Variants in PLIN4 observed in about 807,000 individuals in gnomAD.
PLIN4 encodes the protein perilipin 4, also known as perilipin-4.
PLIN4 carries 57 observed loss-of-function variants against 52.4 expected under a neutral mutation model. That is an observed-to-expected ratio of 1.09 (90% CI 0.88 to 1.36). The LOEUF is 1.36. Among genes scored for constraint, PLIN4 ranks in the 40% most tolerant of loss-of-function variants. The probability of loss-of-function intolerance (pLI) is 0.00; values close to 1 mark genes in which losing one functional copy is unlikely to be tolerated. For missense variants in PLIN4, 1,757 were observed against 1,770.3 expected, an observed-to-expected ratio of 0.99 and a Z score of 0.13; for synonymous variants, 826 against 785.4, an observed-to-expected ratio of 1.05 and a Z score of -0.86.
intron 6 of PLIN4, among the ~76,000 whole-genome samples, chr19:4,508,277 GAC>G (rs2145255524): frequency 6.6e-6 from 1 of 152,170 alleles, no homozygotes; most frequent in Non-Finnish European, 1.5e-5. Flanking sequence ...ATTTTTTTGA[GAC>G]AGAGTCTTGC....
At position 4,503,218 on chromosome 19, in the gene PLIN4, T is replaced by G. The variant is rs1975979085; in HGVS notation, c.*1241A>C. 6.6e-6 allele frequency: 1 copy of G among 152,264 alleles called. No individual in the cohort carries two copies. Among genetic ancestry groups the G allele is most frequent in the Non-Finnish European group, 1.5e-5 (1 of 68,130 alleles). The allele number at this position is 152,264 out of a possible 1,614,324, so 9.4% of individuals were successfully genotyped here. A position where few individuals can be genotyped will look rare whatever the true frequency, so the allele number is the denominator to read the frequency against. On this transcript the variant is annotated 3_prime_UTR_variant, in exon 8 of 8. Coordinates refer to ENST00000301286, the MANE Select transcript of PLIN4 (RefSeq NM_001367868.2). The stretch of plus-strand genomic sequence containing the variant: ...TGGGTCTGGGGTTCCTGGGCTCGTG[T>G]CCTAGGAGAGCATGGAAAGGGGACG...
At chr19:4,508,658 G>A in intron 6 of PLIN4, 110 bp downstream of exon 6, 1 of 1,215,642 alleles carries the variant, frequency 8.2e-7, no homozygotes. Context: ...TGGTGACGCT[G>A]ACAGCATCAT....
chr19:4,505,077 G>T, intron 6 of PLIN4, 130 bp from the exon 7 acceptor site: 1 of 819,742 alleles, frequency 1.2e-6, no homozygotes. Context: ...TTCCAAGTCA[G>T]TTGTACCACA....
rs754953771 is a variant in PLIN4 at position 4,510,610 on chromosome 19, G to A, written c.3350C>T (p.Ala1117Val). ...TTGGGTGAACGTCGCCACGTCAGTCGCAAGGCCCTTGGTAGTGGCTGCGGC... is the reference window on the plus strand; with the variant it reads ...TTGGGTGAACGTCGCCACGTCAGTCACAAGGCCCTTGGTAGTGGCTGCGGC... ...WEAAATTKGL[A>V]TDVATFTQGA... The change falls in exon 5 of 8, where the codon GCG becomes GTG. Residue 1117 changes from alanine to valine, a missense_variant. Ala to Val is a moderately conservative substitution (Grantham distance 64). Coordinates refer to ENST00000301286, the MANE Select transcript of PLIN4 (RefSeq NM_001367868.2). 17 of 1,502,672 alleles carry A rather than the reference G, an allele frequency of 1.1e-5. No individual in the cohort carries two copies. Among genetic ancestry groups the A allele is most frequent in the South Asian group, 2.7e-5 (2 of 72,760 alleles). 93.1% of individuals were successfully genotyped at this position (1,502,672 alleles called of 1,614,324 possible). A position where few individuals can be genotyped will look rare whatever the true frequency, so the allele number is the denominator to read the frequency against.
chr19:4,504,664 C>T lies in PLIN4; in HGVS notation c.3911G>A (p.Arg1304Gln), dbSNP rs745335996. 5.4e-5 allele frequency: 86 copies of T among 1,603,078 alleles called. No homozygotes were observed. The highest frequency in any genetic ancestry group is 1.1e-4 in the African/African-American group (8 of 74,986). The change falls in exon 8 of 8, where the codon CGG (arginine) becomes CAG (glutamine). Residue 1304 changes from arginine (R) to glutamine (Q), a missense_variant. Physicochemically the swap from Arg to Gln is conservative, Grantham distance 43. This residue lies in a region of PLIN4 where 712 missense variants were observed against 637.1 expected (regional missense o/e 1.12). Transcript: ENST00000301286. Reference sequence around the variant, plus strand: ...GAGCTCACAGAGGCTGTGCCGCGCCCGCCCCACTGGCTGCTGGAGCTCGGC... The same window carrying T: ...GAGCTCACAGAGGCTGTGCCGCGCCTGCCCCACTGGCTGCTGGAGCTCGGC... ...LPAELQQPVG[R>Q]ARHSLCELYG...
At position 4,510,579 on chromosome 19, in the gene PLIN4, G is replaced by A. The variant is rs747632824; in HGVS notation, c.3381C>T (p.Ala1127=). Residue 1127 remains alanine, a synonymous_variant, in exon 5 of 8, where the codon GCC becomes GCT. Transcript: ENST00000301286. ...GCCCCGTGTCCTCCCTGCCTGGGGC[G>A]GCCCCTTGGGTGAACGTCGCCACGT... The part of the protein sequence containing the change: ...ATDVATFTQG[A]APGREDTGLL... The A allele has an allele frequency of 1.3e-5, 20 of 1,500,456 alleles. No homozygotes were observed. The highest frequency in any genetic ancestry group is 1.6e-5 in the Non-Finnish European group (18 of 1,125,110). 92.9% of individuals were successfully genotyped at this position (1,500,456 alleles called of 1,614,324 possible).
intron 6 of PLIN4, among the ~76,000 whole-genome samples, chr19:4,506,095 C>G (rs546329685): frequency 2.6e-5 from 4 of 152,290 alleles, no homozygotes; most frequent in Non-Finnish European, 5.9e-5. Context: ...CGCCCCCACC[C>G]GGTGGCCTGA....
In PLIN4 at chr19:4,518,429, C is replaced by T; in HGVS notation, c.-62G>A. On this transcript the variant is annotated 5_prime_UTR_variant, in exon 1 of 8. Coordinates refer to ENST00000301286, the MANE Select transcript of PLIN4 (RefSeq NM_001367868.2). Reference sequence around the variant, plus strand: ...CTGGTGTCACCGAAGCAGACGCGGCCCCGCTCACCTGGACTGCGCGGGGTC... The same window carrying T: ...CTGGTGTCACCGAAGCAGACGCGGCTCCGCTCACCTGGACTGCGCGGGGTC... The T allele has an allele frequency of 8.1e-7, 1 of 1,227,750 alleles. No homozygotes were observed. The highest frequency in any genetic ancestry group is 1.0e-6 in the Non-Finnish European group (1 of 985,928). The allele number at this position is 1,227,750 out of a possible 1,614,324, so 76.1% of individuals were successfully genotyped here.
Position 4,518,396 on chromosome 19 carries a change from G to T in PLIN4, c.-29C>A. On this transcript the variant is annotated 5_prime_UTR_variant, in exon 1 of 8. Transcript: ENST00000301286. ...AGCCCGACACCCACCTGCAGGCCTG[G>T]CCTCACCCTGGTGTCACCGAAGCAG... The T allele has an allele frequency of 8.1e-7, 1 of 1,230,556 alleles. No homozygotes were observed. The highest frequency in any genetic ancestry group is 1.0e-6 in the Non-Finnish European group (1 of 987,418). 76.2% of individuals were successfully genotyped at this position (1,230,556 alleles called of 1,614,324 possible). A position where few individuals can be genotyped will look rare whatever the true frequency, so the allele number is the denominator to read the frequency against.
intron 5 of PLIN4, 64 bp from the exon 6 acceptor site, chr19:4,509,019 T>C (rs1976192127): frequency 1.3e-6 from 2 of 1,493,062 alleles, no homozygotes; most frequent in South Asian, 2.6e-5. Context: ...TTTATAAAAG[T>C]CAAGTGAGGG....
chr19:4,517,581 C>T lies in PLIN4; in HGVS notation c.169G>A (p.Ala57Thr), dbSNP rs1302325347. 1.2e-6 allele frequency: 2 copies of T among 1,610,304 alleles called. No homozygotes were observed. The highest frequency in any genetic ancestry group is 1.7e-6 in the Non-Finnish European group (2 of 1,178,978). ...TGAGCCTGTGGTTGGGCAGCCTCGG[C>T]AGCAGGCGCTCCTGTGGGGTCAGCG... The part of the protein sequence containing the change: ...PAADPTGAPA[A>T]EAAQPQAQVA... Residue 57 changes from alanine (A) to threonine (T), a missense_variant, in exon 3 of 8, where the codon GCC (alanine) becomes ACC (threonine). This residue lies in a region of PLIN4 where 332 missense variants were observed against 310.8 expected (regional missense o/e 1.07). Coordinates refer to ENST00000301286, the MANE Select transcript of PLIN4 (RefSeq NM_001367868.2).
Position 4,512,290 on chromosome 19 carries a change from G to C in PLIN4, c.1670C>G (p.Thr557Ser). Residue 557 changes from threonine (T) to serine (S), a missense_variant, in exon 5 of 8, where the codon ACC (threonine) becomes AGC (serine). Coordinates refer to ENST00000301286, the MANE Select transcript of PLIN4 (RefSeq NM_001367868.2). ...KGAVQGGLDT[T>S]KSVVIGTKDT... ...TTTTGTACCTATGACCACAGACTTG[G>C]TGGTGTCCAGGCCCCCCTGGACGGC... 6.2e-7 allele frequency: 1 copy of C among 1,611,660 alleles called. No homozygotes were observed. The highest frequency in any genetic ancestry group is 1.7e-5 in the Admixed American group (1 of 59,814).
At chr19:4,517,437 G>T in intron 3 of PLIN4, 117 bp downstream of exon 3, 6 of 1,277,946 alleles carry the variant, frequency 4.7e-6, no homozygotes, top group Non-Finnish European at 5.3e-6. Flanking sequence ...TCTGATGAGA[G>T]CACACAGACA....
intron 6 of PLIN4, 96 bp from the exon 7 acceptor site, chr19:4,505,043 C>T: frequency 1.7e-6 from 2 of 1,194,788 alleles, no homozygotes; most frequent in Non-Finnish European, 2.4e-6. Flanking sequence ...GGCACATTCA[C>T]AGTCCTGGGA....
chr19:4,504,003 C>T lies in PLIN4; in HGVS notation c.*456G>A, dbSNP rs1276862644. 6.3e-6 allele frequency: 1 copy of T among 158,182 alleles called. No homozygotes were observed. The highest frequency in any genetic ancestry group is 1.4e-5 in the Non-Finnish European group (1 of 72,358). The allele number at this position is 158,182 out of a possible 1,614,324, so 9.8% of individuals were successfully genotyped here. On this transcript the variant is annotated 3_prime_UTR_variant, in exon 8 of 8. Coordinates refer to ENST00000301286, the MANE Select transcript of PLIN4 (RefSeq NM_001367868.2). ...AGCATGAGAACGGAGCTGCCCGGAG[C>T]CTGGGATGCCACAGCACTGCCTGCA... is the stretch of plus-strand genomic sequence containing the variant.
chr19:4,518,463 G>T lies in PLIN4; in HGVS notation c.-96C>A, dbSNP rs899403540. The T allele has an allele frequency of 3.2e-5, 39 of 1,221,258 alleles. No homozygotes were observed. The Admixed American group carries it at 3.4e-4, about 11-fold the overall frequency. The allele number at this position is 1,221,258 out of a possible 1,614,324, so 75.7% of individuals were successfully genotyped here. A position where few individuals can be genotyped will look rare whatever the true frequency, so the allele number is the denominator to read the frequency against. On this transcript the variant is annotated 5_prime_UTR_variant, in exon 1 of 8. Transcript: ENST00000301286. ...CTGGACTGCGCGGGGTCCCCTGGAG[G>T]ACGGACCGGCCCGGCTGGCAGCTGG... is the stretch of plus-strand genomic sequence containing the variant.
At position 4,512,327 on chromosome 19, in the gene PLIN4, C is replaced by T. The variant is rs755459936; in HGVS notation, c.1633G>A (p.Val545Met). 27 of 1,610,512 alleles carry T rather than the reference C, an allele frequency of 1.7e-5. 1 individual carries two copies. Among genetic ancestry groups the T allele is most frequent in the Middle Eastern group, 1.7e-4 (1 of 6,046 alleles). ...CCCCCCTGGACGGCCCCTTTGGCCA[C>T]GTTCACAGCACTGGTCACCCCACTG... ...VCSGVTSAVNVAKGAVQGGLD... is the reference protein window; with the variant it reads ...VCSGVTSAVNMAKGAVQGGLD... The change falls in exon 5 of 8, where the codon GTG becomes ATG. Residue 545 changes from valine (V) to methionine (M), a missense_variant. Physicochemically the swap from Val to Met is conservative, Grantham distance 21. This residue lies in a region of PLIN4 where 439 missense variants were observed against 406.4 expected (regional missense o/e 1.08). Transcript: ENST00000301286.
intron 6 of PLIN4, 126 bp downstream of exon 6, chr19:4,508,642 G>A (rs1976172754): frequency 1.9e-6 from 2 of 1,078,062 alleles, no homozygotes; most frequent in African/African-American, 1.6e-5. Context: ...ACAGAGCCAT[G>A]ACCATTGGTG....
rs143485536 is a variant in PLIN4 at position 4,511,114 on chromosome 19, C to G, written c.2846G>C (p.Gly949Ala). 1.9e-6 allele frequency: 3 copies of G among 1,610,916 alleles called. No individual in the cohort carries two copies. The highest frequency in any genetic ancestry group is 3.3e-5 in the Admixed American group (2 of 59,894). ...VNVAKGTVQTGVDTAKTVLSG... is the reference protein window; with the variant it reads ...VNVAKGTVQTAVDTAKTVLSG... ...CAGCACCGTCTTGGCTGTGTCCACA[C>G]CTGTCTGGACGGTCCCTTTGGCCAC... The change falls in exon 5 of 8, where the codon GGT (glycine) becomes GCT (alanine). Residue 949 changes from glycine (G) to alanine (A), a missense_variant. Gly to Ala is a moderately conservative substitution (Grantham distance 60, BLOSUM62 0). Around this residue, in one of 7 missense-constraint regions of PLIN4, gnomAD observed 712 missense variants for 637.1 expected, o/e 1.12. Coordinates refer to ENST00000301286, the MANE Select transcript of PLIN4 (RefSeq NM_001367868.2).
Sources: gnomAD v4.1 joint callset for allele counts (sites outside exome capture counted in the v4.1 genomes callset) on GRCh38, gnomAD v4.1.1 for gene constraint, gnomAD v4.1.1 regional missense constraint, MANE v1.5 for transcripts, NCBI Gene and HGNC (gene_info 2026-07-23, HGNC 2026-07-21) for gene names.